The following CDKAL1 variants were observed in gnomAD, a reference collection of about 807,000 sequenced individuals.
The protein encoded by CDKAL1 is CDKAL1 threonylcarbamoyladenosine tRNA methylthiotransferase.
CDKAL1 carries 32 observed loss-of-function variants against 68.2 expected under a neutral mutation model. The observed-to-expected ratio is 0.47, with a 90% confidence interval of 0.35 to 0.63. The LOEUF is 0.63. CDKAL1 is among the 30% of genes least tolerant of loss of function. CDKAL1 has a pLI of 0.00. For synonymous variants in CDKAL1, 234 were observed against 244.3 expected, an observed-to-expected ratio of 0.96 and a Z score of 0.39; for missense variants, 606 against 696.7, an observed-to-expected ratio of 0.87 and a Z score of 1.47.
intron 4 of CDKAL1, among the ~76,000 whole-genome samples, chr6:20,584,528 G>C (rs1338065913): frequency 6.6e-6 from 1 of 152,172 alleles, no homozygotes; most frequent in Non-Finnish European, 1.5e-5. Flanking sequence ...GGTGGGATGT[G>C]GTTGGTCATA....
At chr6:20,699,519 T>G (rs1051103753) in intron 5 of CDKAL1, among the ~76,000 whole-genome samples, 2 of 152,092 alleles carry the variant, frequency 1.3e-5, no homozygotes, top group African/African-American at 2.4e-5. Flanking sequence ...GCCTTTCCTG[T>G]TGAGTAGGTT....
intron 4 of CDKAL1, among the ~76,000 whole-genome samples, chr6:20,599,900 T>C (rs1561955479): frequency 6.6e-6 from 1 of 152,268 alleles, no homozygotes; most frequent in East Asian, 1.9e-4. Context: ...TAATCATTTC[T>C]AGAAATGAGC....
At chr6:20,885,328 G>T (rs1761018187) in intron 9 of CDKAL1, among the ~76,000 whole-genome samples, 1 of 152,160 alleles carries the variant, frequency 6.6e-6, no homozygotes, top group Non-Finnish European at 1.5e-5. Flanking sequence ...TAGACATATA[G>T]ATCAATGGAA....
chr6:20,766,484 A>G (rs184010264), intron 7 of CDKAL1, among the ~76,000 whole-genome samples: 1 of 152,164 alleles, frequency 6.6e-6, no homozygotes, highest in Admixed American at 6.5e-5. Context: ...TAGTAGTCCC[A>G]CTGACCTGTC....
At chr6:21,130,095 A>C (rs1752878326) in intron 13 of CDKAL1, among the ~76,000 whole-genome samples, 1 of 150,918 alleles carries the variant, frequency 6.6e-6, no homozygotes, top group African/African-American at 2.4e-5. Flanking sequence ...GTCATTATTT[A>C]TTTTTGTTTC....
chr6:20,688,099 CT>C (rs999360816), intron 5 of CDKAL1, among the ~76,000 whole-genome samples: 2 of 151,870 alleles, frequency 1.3e-5, no homozygotes, highest in African/African-American at 4.8e-5. Context: ...CTTATCTTTG[CT>C]TCTGTCTAGC....
At chr6:20,709,607 C>G (rs571987750) in intron 5 of CDKAL1, among the ~76,000 whole-genome samples, 2 of 152,218 alleles carry the variant, frequency 1.3e-5, no homozygotes, top group South Asian at 4.1e-4. Context: ...TAATAGAAAT[C>G]TCAGCTGAAA....
In CDKAL1 at chr6:20,746,488, T is replaced by G. The variant is rs1773669232; in HGVS notation, c.468+6873T>G. Reference sequence around the variant, plus strand: ...ATCTTCTCATAGCGTTGAAACACATTAAGCTAGCTTAGTGACTGCTGTCAG... The same window carrying G: ...ATCTTCTCATAGCGTTGAAACACATGAAGCTAGCTTAGTGACTGCTGTCAG... On this transcript the variant is annotated intron_variant, in intron 6 of 15. Transcript: ENST00000274695. 1.3e-5 allele frequency among the ~76,000 whole-genome samples: 2 copies of G among 152,328 alleles called. 1 individual carries two copies. Among genetic ancestry groups the G allele is most frequent in the African/African-American group, 4.8e-5 (2 of 41,582 alleles).
At chr6:20,990,307 G>A (rs1490457668) in intron 10 of CDKAL1, among the ~76,000 whole-genome samples, 1 of 152,164 alleles carries the variant, frequency 6.6e-6, no homozygotes, top group East Asian at 1.9e-4. Context: ...ATGTGTTTGT[G>A]TGTGTAATTA....
intron 4 of CDKAL1, among the ~76,000 whole-genome samples, chr6:20,616,948 G>T (rs1189898625): frequency 2.0e-5 from 3 of 150,708 alleles, no homozygotes; most frequent in African/African-American, 7.3e-5. Flanking sequence ...GCTTAGGCTG[G>T]AGAATCACCT....
intron 6 of CDKAL1, among the ~76,000 whole-genome samples, chr6:20,753,506 G>A (rs926369461): frequency 4.6e-5 from 7 of 152,212 alleles, no homozygotes; most frequent in Admixed American, 6.5e-5. Flanking sequence ...TAGCCTAGGA[G>A]CAGTAGGCTA....
chr6:20,599,807 G>A (rs889895682), intron 4 of CDKAL1, among the ~76,000 whole-genome samples: 6 of 152,134 alleles, frequency 3.9e-5, no homozygotes, highest in African/African-American at 1.4e-4. Context: ...GGTATACTGA[G>A]CAAAATGTTA....
At chr6:20,643,040 T>C (rs1021460756) in intron 4 of CDKAL1, among the ~76,000 whole-genome samples, 3 of 152,228 alleles carry the variant, frequency 2.0e-5, no homozygotes, top group Non-Finnish European at 2.9e-5. Flanking sequence ...AACTTTGGCA[T>C]TGGCAATATT....
intron 13 of CDKAL1, among the ~76,000 whole-genome samples, chr6:21,170,928 A>C (rs1303574927): frequency 1.3e-5 from 2 of 152,238 alleles, no homozygotes; most frequent in African/African-American, 4.8e-5. Flanking sequence ...TCTTAATACT[A>C]AATGAAAAGT....
At chr6:21,178,417 G>A (rs924391899) in intron 13 of CDKAL1, among the ~76,000 whole-genome samples, 1 of 152,144 alleles carries the variant, frequency 6.6e-6, no homozygotes, top group African/African-American at 2.4e-5. Flanking sequence ...TGAGTGTGCT[G>A]TTAATATGAT....
intron 4 of CDKAL1, among the ~76,000 whole-genome samples, chr6:20,591,167 G>A (rs1454902315): frequency 6.6e-6 from 1 of 152,158 alleles, no homozygotes; most frequent in East Asian, 1.9e-4. Flanking sequence ...TTTGAGAAGT[G>A]TCCGTTCATA....
chr6:21,177,861 C>T (rs1262076464), intron 13 of CDKAL1, among the ~76,000 whole-genome samples: 1 of 151,972 alleles, frequency 6.6e-6, no homozygotes, highest in Non-Finnish European at 1.5e-5. Context: ...AGCCTAGCAA[C>T]CAAATCAGAA....
intron 7 of CDKAL1, among the ~76,000 whole-genome samples, chr6:20,775,827 A>G (rs534792488): frequency 2.0e-5 from 3 of 152,342 alleles, no homozygotes; most frequent in Admixed American, 2.0e-4. Flanking sequence ...TGCTTGAAAG[A>G]GGATTTCTAA....
At chr6:20,997,163 A>G (rs766801619) in intron 10 of CDKAL1, among the ~76,000 whole-genome samples, 2 of 152,232 alleles carry the variant, frequency 1.3e-5, no homozygotes, top group Non-Finnish European at 2.9e-5. Context: ...GCCTTGTAGC[A>G]TTCAGTTCTG....
Sources: allele counts gnomAD v4.1 joint callset (sites outside exome capture counted in the v4.1 genomes callset), GRCh38; gene constraint gnomAD v4.1.1; transcripts MANE v1.5; gene names NCBI Gene and HGNC (gene_info 2026-07-23, HGNC 2026-07-21).